Variants in ZFP2 observed in about 807,000 individuals in gnomAD.
ZFP2 encodes zinc finger protein ZFP2.
ZFP2 carries 33 observed loss-of-function variants against 36.1 expected under a neutral mutation model. That is an observed-to-expected ratio of 0.92 (90% CI 0.69 to 1.22). The LOEUF is 1.22. Ranked by LOEUF, ZFP2 falls within the 50% of genes most tolerant of loss-of-function variation. The probability of loss-of-function intolerance (pLI) is 0.00; values close to 1 mark genes in which losing one functional copy is unlikely to be tolerated. For missense variants in ZFP2, 522 were observed against 551.4 expected (o/e 0.95, Z 0.53); for synonymous variants, 170 against 178.0 (o/e 0.96, Z 0.36).
At chr5:178,929,900 A>C (rs1489890527) in intron 4 of ZFP2, among the ~76,000 whole-genome samples, 1 of 144,760 alleles carries the variant, frequency 6.9e-6, no homozygotes, top group Non-Finnish European at 1.5e-5. Context: ...ATTGGCTCAC[A>C]GTTCCTGTAC....
chr5:178,902,023 T>C (rs1758067944), intron 1 of ZFP2, among the ~76,000 whole-genome samples: 2 of 152,062 alleles, frequency 1.3e-5, no homozygotes, highest in Non-Finnish European at 2.9e-5. Context: ...TAATCCCAGC[T>C]ACTCAGGAGG....
chr5:178,905,512 T>C (rs772590360), intron 1 of ZFP2, among the ~76,000 whole-genome samples: 2 of 152,218 alleles, frequency 1.3e-5, no homozygotes, highest in Admixed American at 6.5e-5. Flanking sequence ...CTATTTGATA[T>C]GCAGTTTTTT....
chr5:178,898,626 G>A (rs1757987276), intron 1 of ZFP2, among the ~76,000 whole-genome samples: 1 of 152,214 alleles, frequency 6.6e-6, no homozygotes, highest in South Asian at 2.1e-4. Context: ...AACCCCACAG[G>A]AAGGAAGGAG....
chr5:178,908,112 ATTAAG>A (rs1424387028), intron 1 of ZFP2, among the ~76,000 whole-genome samples: 2 of 152,204 alleles, frequency 1.3e-5, no homozygotes, highest in African/African-American at 4.8e-5. Context: ...ATGCAGTGTG[ATTAAG>A]TTAACACTCC....
intron 1 of ZFP2, chr5:178,909,577 G>T: frequency 1.2e-6 from 1 of 836,170 alleles, no homozygotes; most frequent in Non-Finnish European, 1.6e-6. Flanking sequence ...CTGGTGTTGA[G>T]TCTGATCACC....
At chr5:178,913,146 C>G in intron 3 of ZFP2, 75 bp downstream of exon 3, 3 of 848,348 alleles carry the variant, frequency 3.5e-6, no homozygotes, top group Non-Finnish European at 4.3e-6. Context: ...TGTTGGGTCT[C>G]TGGAGAGACT....
intron 1 of ZFP2, among the ~76,000 whole-genome samples, chr5:178,905,134 A>G (rs914098521): frequency 2.6e-5 from 4 of 152,226 alleles, no homozygotes; most frequent in Non-Finnish European, 5.9e-5. Context: ...AAGTAAAATT[A>G]TGCAGTTCTG....
chr5:178,901,601 A>C (rs1178175842), intron 1 of ZFP2, among the ~76,000 whole-genome samples: 1 of 152,148 alleles, frequency 6.6e-6, no homozygotes, highest in African/African-American at 2.4e-5. Context: ...GTCTTCAAAT[A>C]GCCGTTTTTC....
At chr5:178,927,831 C>G (rs1272103336) in intron 4 of ZFP2, among the ~76,000 whole-genome samples, 1 of 151,744 alleles carries the variant, frequency 6.6e-6, no homozygotes, top group Non-Finnish European at 1.5e-5. Flanking sequence ...GCCACCAAGC[C>G]TGGCTGAGTC....
rs368395714 is a variant in ZFP2 at position 178,932,279 on chromosome 5, A to G, written c.966A>G (p.Gly322=). The G allele has an allele frequency of 5.6e-6, 9 of 1,614,088 alleles. No homozygotes were observed. In the African/African-American group the frequency reaches 6.7e-5, roughly 12 times the overall value. ...YLIEHQRLHS[G]VKPFECNECG... is the part of the protein sequence containing the mutation. ...TAGAACATCAGAGACTTCATTCTGG[A>G]GTAAAACCTTTTGAATGTAACGAGT... Residue 322 remains glycine, a synonymous_variant, in exon 5 of 5, where the codon GGA becomes GGG. Transcript: ENST00000361362.
intron 4 of ZFP2, among the ~76,000 whole-genome samples, chr5:178,927,451 A>G (rs944496545): frequency 1.3e-5 from 2 of 151,910 alleles, no homozygotes; most frequent in Non-Finnish European, 2.9e-5. Flanking sequence ...TCACATTGCT[A>G]TAAAGAAACA....
At chr5:178,903,751 C>T (rs963986950) in intron 1 of ZFP2, among the ~76,000 whole-genome samples, 6 of 152,090 alleles carry the variant, frequency 3.9e-5, no homozygotes, top group African/African-American at 1.4e-4. Flanking sequence ...GGGTGGATCA[C>T]GAAGTCAAGA....
intron 1 of ZFP2, among the ~76,000 whole-genome samples, chr5:178,902,873 G>A (rs1048327850): frequency 3.9e-5 from 6 of 152,076 alleles, no homozygotes; most frequent in Admixed American, 1.3e-4. Flanking sequence ...TCTATTTTTA[G>A]CTATTTTGCA....
At chr5:178,916,527 CATG>C in intron 3 of ZFP2, 35 bp from the exon 4 acceptor site, 1 of 985,078 alleles carries the variant, frequency 1.0e-6, no homozygotes, top group African/African-American at 1.7e-5. Flanking sequence ...GCCCATAGAA[CATG>C]ATGATTTGCA....
At chr5:178,926,433 T>A (rs1010451733) in intron 4 of ZFP2, among the ~76,000 whole-genome samples, 1 of 152,214 alleles carries the variant, frequency 6.6e-6, no homozygotes, top group Admixed American at 6.5e-5. Flanking sequence ...ACCTTAAATG[T>A]TCCCAAAGAA....
intron 1 of ZFP2, chr5:178,909,860 G>A (rs1282815917): frequency 6.3e-7 from 1 of 1,582,084 alleles, no homozygotes; most frequent in African/African-American, 1.3e-5. Flanking sequence ...TGAGGTCAGG[G>A]CCAATCACCT....
In ZFP2 at chr5:178,931,179, A is replaced by C. The variant is rs963779500; in HGVS notation, c.-77-58A>C. ...TAATTCTCTCATTCCTACCTTATGC[A>C]GTTTCCAGTCTCCTAGCACAGAAAC... On this transcript the variant is annotated intron_variant, in intron 4 of 4. Transcript: ENST00000361362. 6.0e-5 allele frequency: 87 copies of C among 1,448,968 alleles called. No homozygotes were observed. In the Middle Eastern group the frequency reaches 7.1e-4, roughly 12 times the overall value. The allele number at this position is 1,448,968 out of a possible 1,614,324, so 89.8% of individuals were successfully genotyped here. A position where few individuals can be genotyped will look rare whatever the true frequency, so the allele number is the denominator to read the frequency against.
At position 178,932,690 on chromosome 5, in the gene ZFP2, T is replaced by C. The variant is rs1302394528; in HGVS notation, c.1377T>C (p.Thr459=). The change falls in exon 5 of 5, where the codon ACT becomes ACC. Residue 459 remains threonine (T), a synonymous_variant. Coordinates refer to ENST00000361362, the MANE Select transcript of ZFP2 (RefSeq NM_030613.4). Reference sequence around the variant, plus strand: ...CAAACCTTACACGACATCAAAGAACTCATACGTGAGGAATGTTTTCACTGG... The same window carrying C: ...CAAACCTTACACGACATCAAAGAACCCATACGTGAGGAATGTTTTCACTGG... ...RSTNLTRHQR[T]HT The C allele has an allele frequency of 6.3e-6, 10 of 1,591,726 alleles. No individual in the cohort carries two copies. Among genetic ancestry groups the C allele is most frequent in the African/African-American group, 1.4e-5 (1 of 73,926 alleles).
At position 178,932,257 on chromosome 5, in the gene ZFP2, A is replaced by G. The variant is rs1214747845; in HGVS notation, c.944A>G (p.Glu315Gly). Reference sequence around the variant, plus strand: ...TTTAGCCAAAGTACATATCTTATAGAACATCAGAGACTTCATTCTGGAGTA... The same window carrying G: ...TTTAGCCAAAGTACATATCTTATAGGACATCAGAGACTTCATTCTGGAGTA... The part of the protein sequence containing the change: ...KSFSQSTYLI[E>G]HQRLHSGVKP... Residue 315 changes from glutamate (E) to glycine (G), a missense_variant, in exon 5 of 5, where the codon GAA becomes GGA. Glu to Gly is a moderately conservative substitution (Grantham distance 98). Transcript: ENST00000361362. 6 of 1,614,080 alleles carry G rather than the reference A, an allele frequency of 3.7e-6. No homozygotes were observed. The South Asian group carries it at 5.5e-5, about 15-fold the overall frequency.
Sources: gnomAD v4.1 joint callset for allele counts (sites outside exome capture counted in the v4.1 genomes callset) on GRCh38, gnomAD v4.1.1 for gene constraint, MANE v1.5 for transcripts, NCBI Gene and HGNC (gene_info 2026-07-23, HGNC 2026-07-21) for gene names.